Variants in ULK2 observed in about 807,000 individuals in gnomAD.
ULK2 encodes serine/threonine-protein kinase ULK2.
ULK2 carries 76 observed loss-of-function variants against 127.5 expected under a neutral mutation model. The observed-to-expected ratio is 0.60, with a 90% CI of 0.50 to 0.72. The LOEUF (loss-of-function observed/expected upper bound fraction) is 0.72. Ranked by LOEUF, ULK2 falls within the 30% of genes least tolerant of loss-of-function variation. ULK2 has a pLI of 0.00. For synonymous variants in ULK2, 452 were observed against 461.9 expected, an observed-to-expected ratio of 0.98 and a Z score of 0.28; for missense variants, 1,144 against 1,295.9, an observed-to-expected ratio of 0.88 and a Z score of 1.80.
At chr17:19,820,049 A>ATTTTTT (rs199698459) in intron 12 of ULK2, among the ~76,000 whole-genome samples, 1 of 49,020 alleles carries the variant, frequency 2.0e-5, no homozygotes, top group Non-Finnish European at 4.2e-5. Flanking sequence ...CTGCAACTTT[A>ATTTTTT]TTTATTTTTT....
Position 19,798,367 on chromosome 17 carries a change from T to C in ULK2, c.1523-685A>G, listed in dbSNP as rs8078025. Among the ~76,000 whole-genome samples, 1,172 of 152,260 alleles carry C rather than the reference T, an allele frequency of 7.7e-3. 15 individuals carry two copies. The highest frequency in any genetic ancestry group is 0.026 in the African/African-American group (1,087 of 41,562). On this transcript the variant is annotated intron_variant, in intron 17 of 26. Transcript: ENST00000395544. ...TTCAGGGGACACCAAATCAAGAGCC[T>C]AAGAGATCCCTGTTTCCCCCCTACA...
chr17:19,840,174 A>G, intron 9 of ULK2: 1 of 478,972 alleles, frequency 2.1e-6, no homozygotes, highest in South Asian at 1.5e-5. Context: ...TGTGCCCCCG[A>G]CCCTCAACCC....
At chr17:19,794,207 G>A (rs1425002438) in intron 20 of ULK2, among the ~76,000 whole-genome samples, 5 of 151,554 alleles carry the variant, frequency 3.3e-5, no homozygotes, top group Admixed American at 2.0e-4. Context: ...AGAAGAAGAA[G>A]AAAAAAAGAA....
intron 13 of ULK2, among the ~76,000 whole-genome samples, chr17:19,811,776 A>G (rs2087646837): frequency 6.6e-6 from 1 of 152,168 alleles, no homozygotes; most frequent in Admixed American, 6.6e-5. Context: ...ATTTGATTGC[A>G]TATACCCAAT....
chr17:19,786,125 T>TA (rs1567676086), intron 20 of ULK2, 39 bp from the exon 21 acceptor site: 10 of 1,541,170 alleles, frequency 6.5e-6, no homozygotes, highest in Middle Eastern at 3.5e-4. Flanking sequence ...ATTACCCTGA[T>TA]AGTGTTTATA....
intron 12 of ULK2, among the ~76,000 whole-genome samples, chr17:19,820,528 A>G (rs926506640): frequency 6.6e-6 from 1 of 152,214 alleles, no homozygotes; most frequent in African/African-American, 2.4e-5. Context: ...GAAAAGGCCT[A>G]TATTTGAGCT....
At position 19,795,347 on chromosome 17, in the gene ULK2, T is replaced by TAAAAAAAA. The variant is rs755484577; in HGVS notation, c.2101+267_2101+274dup. Among the ~76,000 whole-genome samples, 4 of 82,764 alleles carry TAAAAAAAA rather than the reference T, an allele frequency of 4.8e-5. 1 individual carries two copies. The highest frequency in any genetic ancestry group is 2.0e-4 in the African/African-American group (4 of 19,612). The allele number at this position is 82,764 out of a possible 152,430, so 54.3% of individuals were successfully genotyped here. On this transcript the variant is annotated intron_variant, in intron 20 of 26. Transcript: ENST00000395544. ...ACTTCGACCAGTATTACCCTACTGA[T>TAAAAAAAA]AAAAAAAAAAAAAAAAAAAAAAAAA...
chr17:19,851,326 CAA>C (rs554643908), intron 3 of ULK2, among the ~76,000 whole-genome samples: 59 of 41,050 alleles, frequency 1.4e-3, no homozygotes, highest in African/African-American at 5.0e-3. Context: ...GACTTCCCCT[CAA>C]AAAAAAAAAA....
At chr17:19,849,714 A>G (rs1342727361) in intron 4 of ULK2, 28 bp downstream of exon 4, 5 of 1,462,304 alleles carry the variant, frequency 3.4e-6, no homozygotes, top group Non-Finnish European at 4.6e-6. Context: ...TTTGAAATAA[A>G]TTAAACAGAA....
At chr17:19,833,314 A>AG (rs1439137047) in intron 10 of ULK2, among the ~76,000 whole-genome samples, 3 of 152,134 alleles carry the variant, frequency 2.0e-5, no homozygotes, top group Non-Finnish European at 4.4e-5. Flanking sequence ...AACTGTCGTG[A>AG]GGGGGCCAAA....
intron 20 of ULK2, among the ~76,000 whole-genome samples, chr17:19,791,877 T>C (rs1478536107): frequency 7.1e-6 from 1 of 141,048 alleles, no homozygotes; most frequent in Admixed American, 7.0e-5. Context: ...AATGAAATAA[T>C]ATCAAGCTTC....
At chr17:19,845,469 A>G in intron 6 of ULK2, 92 bp from the exon 7 acceptor site, 1 of 977,150 alleles carries the variant, frequency 1.0e-6, no homozygotes, top group South Asian at 1.4e-5. Context: ...AAGAAGGCAC[A>G]AAGGACTGTG....
chr17:19,780,503 T>C lies in ULK2; in HGVS notation c.2885A>G (p.Glu962Gly). ...FIDEINSVTA[E>G]KLIYNCAVEM... Reference sequence around the variant, plus strand: ...TACAGCACAATTATAGATGAGTTTCTCTGCAGTCACACTGTTGATTTCATC... The same window carrying C: ...TACAGCACAATTATAGATGAGTTTCCCTGCAGTCACACTGTTGATTTCATC... The change falls in exon 25 of 27, where the codon GAG (glutamate) becomes GGG (glycine). Residue 962 changes from glutamate to glycine, a missense_variant. Glu to Gly is a moderately conservative substitution (Grantham distance 98, BLOSUM62 -2). Transcript: ENST00000395544. The C allele has an allele frequency of 6.2e-7, 1 of 1,613,330 alleles. No individual in the cohort carries two copies. The highest frequency in any genetic ancestry group is 8.5e-7 in the Non-Finnish European group (1 of 1,179,802).
chr17:19,856,530 C>T (rs1430944856), intron 3 of ULK2, among the ~76,000 whole-genome samples: 2 of 151,264 alleles, frequency 1.3e-5, no homozygotes, highest in African/African-American at 4.9e-5. Context: ...TGCAGTGAGC[C>T]GAGATCGCGC....
chr17:19,777,520 A>G, intron 26 of ULK2, 61 bp downstream of exon 26: 1 of 1,532,468 alleles, frequency 6.5e-7, no homozygotes. Flanking sequence ...TCTTTGTACT[A>G]TGCTTGTGAT....
intron 20 of ULK2, among the ~76,000 whole-genome samples, chr17:19,788,529 C>T (rs1567677588): frequency 2.0e-5 from 3 of 151,818 alleles, no homozygotes; most frequent in African/African-American, 4.8e-5. Flanking sequence ...CACCTGCTGA[C>T]TGAAGAGTCC....
At chr17:19,837,111 AC>A (rs1358397751) in intron 10 of ULK2, among the ~76,000 whole-genome samples, 3 of 151,822 alleles carry the variant, frequency 2.0e-5, no homozygotes, top group South Asian at 2.1e-4. Context: ...AAAAAAAAAA[AC>A]AAAAGAATCT....
chr17:19,836,630 G>C (rs975812632), intron 10 of ULK2, among the ~76,000 whole-genome samples: 1 of 151,692 alleles, frequency 6.6e-6, no homozygotes, highest in Non-Finnish European at 1.5e-5. Context: ...AAACAGGCTG[G>C]GCATGGTGGC....
chr17:19,860,699 T>C (rs778797964), intron 3 of ULK2, among the ~76,000 whole-genome samples: 10 of 151,988 alleles, frequency 6.6e-5, no homozygotes, highest in Non-Finnish European at 1.5e-4. Context: ...TAATTTTGTA[T>C]TTTTAGTGGA....
Sources: allele counts gnomAD v4.1 joint callset (sites outside exome capture counted in the v4.1 genomes callset), GRCh38; gene constraint gnomAD v4.1.1; transcripts MANE v1.5; gene names NCBI Gene and HGNC (gene_info 2026-07-23, HGNC 2026-07-21).